Variants in ZNF280B observed in about 807,000 individuals in gnomAD.
ZNF280B encodes suppressor of hairy wing homolog 2.
A neutral mutation model predicts 38.0 loss-of-function variants in ZNF280B; 16 were observed. That is an observed-to-expected ratio of 0.42 (90% confidence interval 0.28 to 0.64). ZNF280B has a LOEUF of 0.64. Ranked by LOEUF, ZNF280B falls within the 30% of genes least tolerant of loss-of-function variation. The pLI is 0.21. For synonymous variants in ZNF280B, 253 were observed against 230.6 expected (o/e 1.10, Z -0.88); for missense variants, 581 against 639.6 (o/e 0.91, Z 0.99).
intron 2 of ZNF280B, among the ~76,000 whole-genome samples, chr22:22,496,818 T>C (rs1311095370): frequency 2.0e-5 from 2 of 101,444 alleles, no homozygotes; most frequent in Non-Finnish European, 3.6e-5. Context: ...GGATCTACTC[T>C]TTTTTTTTTT....
intron 2 of ZNF280B, among the ~76,000 whole-genome samples, 165 bp from the exon 3 acceptor site, chr22:22,494,345 A>C (rs915386254): frequency 6.6e-6 from 1 of 151,950 alleles, no homozygotes; most frequent in East Asian, 2.0e-4. Flanking sequence ...CCAACCATCA[A>C]TCAAGGTGAA....
chr22:22,493,322 T>C (rs2146784625), intron 3 of ZNF280B, among the ~76,000 whole-genome samples: 1 of 152,050 alleles, frequency 6.6e-6, no homozygotes, highest in East Asian at 2.0e-4. Flanking sequence ...GAAGATTAAT[T>C]TTTAAAGCCC....
In ZNF280B at chr22:22,484,851, TAGA is replaced by T; in HGVS notation, c.*2913_*2915del. 6.6e-6 allele frequency: 1 copy of T among 151,584 alleles called. No individual in the cohort carries two copies. Among genetic ancestry groups the T allele is most frequent in the Non-Finnish European group, 1.5e-5 (1 of 67,844 alleles). 9.4% of individuals were successfully genotyped at this position (151,584 alleles called of 1,614,324 possible). ...AGTAAAGTGCCTTTAAGAGGAAAAGTAGAAGTTTTTTTTTTTTTTTAAAGGGAG... is the reference window on the plus strand; with the variant it reads ...AGTAAAGTGCCTTTAAGAGGAAAAGTAGTTTTTTTTTTTTTTTAAAGGGAG... On this transcript the variant is annotated 3_prime_UTR_variant, in exon 4 of 4. Coordinates refer to ENST00000626650, the MANE Select transcript of ZNF280B (RefSeq NM_080764.4).
At chr22:22,493,421 GCT>G (rs942300271) in intron 3 of ZNF280B, among the ~76,000 whole-genome samples, 18 of 151,994 alleles carry the variant, frequency 1.2e-4, no homozygotes, top group Non-Finnish European at 1.5e-4. Flanking sequence ...CTGGTTTTGT[GCT>G]CTTTCTGCTA....
At chr22:22,508,095 G>C (rs1829967267) in intron 1 of ZNF280B, among the ~76,000 whole-genome samples, 2 of 151,946 alleles carry the variant, frequency 1.3e-5, no homozygotes, top group South Asian at 2.1e-4. Context: ...CAAATCACCC[G>C]AGGTCCTGGC....
intron 2 of ZNF280B, among the ~76,000 whole-genome samples, chr22:22,506,809 G>A (rs1423352678): frequency 4.0e-5 from 6 of 151,892 alleles, no homozygotes; most frequent in Non-Finnish European, 7.4e-5. Context: ...AGAGTAACAG[G>A]ACAATGCTTT....
chr22:22,507,059 G>T (rs2146871503), intron 2 of ZNF280B, among the ~76,000 whole-genome samples: 1 of 152,040 alleles, frequency 6.6e-6, no homozygotes, highest in South Asian at 2.1e-4. Flanking sequence ...CATTTGCTCT[G>T]AAGTAAGCCA....
rs940797969 is a variant in ZNF280B, at chr22:22,485,920, ACTG to A, written c.*1844_*1846del. Reference sequence around the variant, plus strand: ...CCGGGAGTCCACAGAGGCAGCCAAGACTGCTGATGTTCAGGAACCAATACTCAA... The same window carrying A: ...CCGGGAGTCCACAGAGGCAGCCAAGACTGATGTTCAGGAACCAATACTCAA... On this transcript the variant is annotated 3_prime_UTR_variant, in exon 4 of 4. Coordinates refer to ENST00000626650, the MANE Select transcript of ZNF280B (RefSeq NM_080764.4). 2 of 151,966 alleles carry A rather than the reference ACTG, an allele frequency of 1.3e-5. No individual in the cohort carries two copies. The highest frequency in any genetic ancestry group is 4.8e-5 in the African/African-American group (2 of 41,366). The allele number at this position is 151,966 out of a possible 1,614,324, so 9.4% of individuals were successfully genotyped here.
Position 22,488,561 on chromosome 22 carries a change from T to C in ZNF280B, c.838A>G (p.Asn280Asp), listed in dbSNP as rs771501440. The change falls in exon 4 of 4, where the codon AAT becomes GAT. Residue 280 changes from asparagine to aspartate, a missense_variant. Asn to Asp is a conservative substitution (Grantham distance 23). Coordinates refer to ENST00000626650, the MANE Select transcript of ZNF280B (RefSeq NM_080764.4). ...QNKTFDPKKE[N>D]PIVLLSDFYY... ...AAGTCACTAAGTAACACAATGGGAT[T>C]TTCTTTCTTGGGATCAAAGGTCTTG... The C allele has an allele frequency of 6.2e-6, 10 of 1,613,830 alleles. No homozygotes were observed. The East Asian group carries it at 2.0e-4, about 32-fold the overall frequency.
At chr22:22,493,849 A>G (rs1426535431) in intron 3 of ZNF280B, among the ~76,000 whole-genome samples, 2 of 151,958 alleles carry the variant, frequency 1.3e-5, no homozygotes, top group African/African-American at 4.8e-5. Flanking sequence ...GATTCCTCCA[A>G]TTCTAGAGAA....
At chr22:22,508,775 A>T (rs1365097403), upstream of ZNF280B, 1 of 151,790 alleles carries the variant, frequency 6.6e-6, no homozygotes, top group African/African-American at 2.4e-5. Flanking sequence ...GCCGACGCGC[A>T]CGCCTCCACA....
At position 22,487,991 on chromosome 22, in the gene ZNF280B, A is replaced by G; in HGVS notation, c.1408T>C (p.Leu470=). 6.2e-7 allele frequency: 1 copy of G among 1,613,652 alleles called. No homozygotes were observed. The highest frequency in any genetic ancestry group is 8.5e-7 in the Non-Finnish European group (1 of 1,179,912). Reference sequence around the variant, plus strand: ...TGCTCCATTTTCTCCTTGAAAGTTAAAAACTGTAGCCGGCACTTGGAACAC... The same window carrying G: ...TGCTCCATTTTCTCCTTGAAAGTTAGAAACTGTAGCCGGCACTTGGAACAC... The part of the protein sequence containing the change: ...HQCSKCRLQF[L]TFKEKMEHKT... The change falls in exon 4 of 4, where the codon TTA becomes CTA. Residue 470 remains leucine (L), a synonymous_variant. Coordinates refer to ENST00000626650, the MANE Select transcript of ZNF280B (RefSeq NM_080764.4).
chr22:22,500,072 G>A (rs1420373509), intron 2 of ZNF280B, among the ~76,000 whole-genome samples: 1 of 151,886 alleles, frequency 6.6e-6, no homozygotes, highest in Admixed American at 6.6e-5. Flanking sequence ...CACCTAGTAG[G>A]ATGACTACTA....
chr22:22,497,208 TAAAAAAAAAAAAAAAAAAAAA>T (rs71199486), intron 2 of ZNF280B, among the ~76,000 whole-genome samples: 151 of 33,640 alleles, frequency 4.5e-3, no homozygotes, highest in African/African-American at 0.011. Flanking sequence ...TCTCCATCTT[TAAAAAAAAAAAAAAAAAAAAA>T]AAAAAAAAAA....
intron 3 of ZNF280B, among the ~76,000 whole-genome samples, chr22:22,492,909 T>C (rs2061625383): frequency 6.6e-6 from 1 of 151,738 alleles, no homozygotes; most frequent in African/African-American, 2.4e-5. Flanking sequence ...GAAAATATTC[T>C]AATTCACAAT....
chr22:22,496,721 T>C (rs1385796384), intron 2 of ZNF280B, among the ~76,000 whole-genome samples: 1 of 151,266 alleles, frequency 6.6e-6, no homozygotes, highest in African/African-American at 2.4e-5. Flanking sequence ...ACCATAGGAG[T>C]CCTGGTGGCC....
Position 22,488,002 on chromosome 22 carries a change from C to T in ZNF280B, c.1397G>A (p.Arg466Gln), listed in dbSNP as rs771863143. ...GKSAHQCSKC[R>Q]LQFLTFKEKM... Reference sequence around the variant, plus strand: ...CTCCTTGAAAGTTAAAAACTGTAGCCGGCACTTGGAACACTGGTGTGCACT... The same window carrying T: ...CTCCTTGAAAGTTAAAAACTGTAGCTGGCACTTGGAACACTGGTGTGCACT... The change falls in exon 4 of 4, where the codon CGG (arginine) becomes CAG (glutamine). Residue 466 changes from arginine to glutamine, a missense_variant. Physicochemically the swap from Arg to Gln is conservative, Grantham distance 43 (BLOSUM62 1). Coordinates refer to ENST00000626650, the MANE Select transcript of ZNF280B (RefSeq NM_080764.4). 47 of 1,613,560 alleles carry T rather than the reference C, an allele frequency of 2.9e-5. No homozygotes were observed. The highest frequency in any genetic ancestry group is 6.7e-5 in the Admixed American group (4 of 59,908).
At chr22:22,491,903 C>G (rs1378382032) in intron 3 of ZNF280B, among the ~76,000 whole-genome samples, 1 of 151,980 alleles carries the variant, frequency 6.6e-6, no homozygotes, top group Non-Finnish European at 1.5e-5. Context: ...GTTCATAACT[C>G]ACCAATTTCT....
chr22:22,505,827 G>A (rs754124183), intron 2 of ZNF280B, among the ~76,000 whole-genome samples: 2 of 151,928 alleles, frequency 1.3e-5, no homozygotes, highest in African/African-American at 4.8e-5. Flanking sequence ...AGTGTGATGA[G>A]AGATTACTGG....
Sources: gnomAD v4.1 joint callset for allele counts (sites outside exome capture counted in the v4.1 genomes callset) on GRCh38, gnomAD v4.1.1 for gene constraint, MANE v1.5 for transcripts, NCBI Gene and HGNC (gene_info 2026-07-23, HGNC 2026-07-21) for gene names.